The following PSD3 variants were observed in gnomAD, a reference collection of about 807,000 sequenced individuals.
PSD3 encodes pleckstrin and Sec7 domain containing 3, also known as PH and SEC7 domain-containing protein 3.
In PSD3, 49 loss-of-function variants were observed where a neutral mutation model predicts 105.5. The observed-to-expected ratio is 0.46, with a 90% CI of 0.37 to 0.59. PSD3 has a LOEUF of 0.59. Ranked by LOEUF, PSD3 falls within the 20% of genes least tolerant of loss-of-function variation. The pLI is 0.00. For synonymous variants in PSD3, 557 were observed against 457.8 expected (o/e 1.22, Z -2.77); for missense variants, 1,561 against 1,263.8 (o/e 1.24, Z -3.57).
intron 9 of PSD3, among the ~76,000 whole-genome samples, chr8:18,658,467 C>A (rs1023680773): frequency 7.9e-5 from 12 of 151,620 alleles, no homozygotes; most frequent in Non-Finnish European, 1.3e-4. Context: ...TAGTTAGTAT[C>A]TTCGATTTCT....
At chr8:18,653,918 T>A (rs1243671510) in intron 10 of PSD3, among the ~76,000 whole-genome samples, 1 of 152,232 alleles carries the variant, frequency 6.6e-6, no homozygotes, top group Non-Finnish European at 1.5e-5. Context: ...GACTACATAT[T>A]CTGCATATGT....
At chr8:18,588,786 C>T (rs573014194) in intron 12 of PSD3, among the ~76,000 whole-genome samples, 25 of 152,320 alleles carry the variant, frequency 1.6e-4, no homozygotes, top group African/African-American at 6.0e-4. Flanking sequence ...ATGACTCAAA[C>T]TCCCAATACA....
chr8:18,593,730 TC>T (rs1244375430), intron 12 of PSD3, among the ~76,000 whole-genome samples: 2 of 151,896 alleles, frequency 1.3e-5, no homozygotes, highest in Non-Finnish European at 2.9e-5. Context: ...AACCCAAATG[TC>T]CATCAGTGAT....
chr8:19,036,807 A>C (rs1039853731), intron 1 of PSD3, among the ~76,000 whole-genome samples: 1 of 152,206 alleles, frequency 6.6e-6, no homozygotes, highest in African/African-American at 2.4e-5. Context: ...GTGGTAATGA[A>C]TCAGACCAGG....
chr8:18,643,188 C>A (rs971816574), intron 10 of PSD3, among the ~76,000 whole-genome samples: 2 of 152,134 alleles, frequency 1.3e-5, no homozygotes, highest in Non-Finnish European at 1.5e-5. Flanking sequence ...GTGGAAGGTG[C>A]AAGGGCAAGA....
intron 11 of PSD3, among the ~76,000 whole-genome samples, chr8:18,607,154 G>T (rs983231311): frequency 6.6e-6 from 1 of 152,056 alleles, no homozygotes; most frequent in Non-Finnish European, 1.5e-5. Context: ...AATATAACCA[G>T]GTACTTTCTC....
intron 9 of PSD3, among the ~76,000 whole-genome samples, chr8:18,722,157 A>C (rs1432841782): frequency 6.6e-6 from 1 of 151,616 alleles, no homozygotes; most frequent in East Asian, 1.9e-4. Flanking sequence ...TGGACGATCA[A>C]AGAACATTTA....
Position 18,529,171 on chromosome 8 carries a change from G to C in PSD3, c.*6572C>G, listed in dbSNP as rs910052429. The stretch of plus-strand genomic sequence containing the variant: ...GAGAGATGCTGGAGAGCTGCTGCTT[G>C]TGAATTACAAGAAAGCCTTCAATTT... On this transcript the variant is annotated 3_prime_UTR_variant, in exon 16 of 16. Coordinates refer to ENST00000327040, the MANE Select transcript of PSD3 (RefSeq NM_015310.4). 6.6e-6 allele frequency: 1 copy of C among 152,202 alleles called. No individual in the cohort carries two copies. Among genetic ancestry groups the C allele is most frequent in the Admixed American group, 6.5e-5 (1 of 15,280 alleles). 9.4% of individuals were successfully genotyped at this position (152,202 alleles called of 1,614,324 possible). A position where few individuals can be genotyped will look rare whatever the true frequency, so the allele number is the denominator to read the frequency against.
intron 9 of PSD3, among the ~76,000 whole-genome samples, chr8:18,744,028 G>A (rs1035906660): frequency 1.4e-5 from 2 of 141,448 alleles, no homozygotes; most frequent in Non-Finnish European, 3.0e-5. Context: ...CTGCTCCCCT[G>A]ACATCACCAC....
intron 11 of PSD3, among the ~76,000 whole-genome samples, chr8:18,621,884 A>G (rs537532085): frequency 6.6e-6 from 1 of 152,386 alleles, no homozygotes; most frequent in East Asian, 1.9e-4. Flanking sequence ...GCTGTTCCCA[A>G]TGTTACACGA....
At chr8:18,913,874 C>T (rs1820406069) in intron 2 of PSD3, among the ~76,000 whole-genome samples, 1 of 152,002 alleles carries the variant, frequency 6.6e-6, no homozygotes, top group Non-Finnish European at 1.5e-5. Context: ...AGGCTCCTAC[C>T]CCAACCCTAT....
intron 12 of PSD3, among the ~76,000 whole-genome samples, chr8:18,577,112 A>G (rs1802508247): frequency 6.6e-6 from 1 of 151,836 alleles, no homozygotes; most frequent in Non-Finnish European, 1.5e-5. Context: ...AAAGAAGAGT[A>G]TTTTTTCATT....
chr8:18,563,701 C>G (rs1209671809), intron 14 of PSD3, among the ~76,000 whole-genome samples: 15 of 151,888 alleles, frequency 9.9e-5, no homozygotes, highest in Admixed American at 9.8e-4. Flanking sequence ...AAATACAGAC[C>G]TCGAAGAAAT....
At chr8:18,924,957 A>G (rs1001470077) in intron 2 of PSD3, 6 of 152,232 alleles carry the variant, frequency 3.9e-5, no homozygotes, top group African/African-American at 1.2e-4. Context: ...AAGCAACAAA[A>G]TAAGAGATAT....
intron 11 of PSD3, among the ~76,000 whole-genome samples, chr8:18,612,991 G>A (rs1335924311): frequency 6.6e-6 from 1 of 151,232 alleles, no homozygotes; most frequent in East Asian, 1.9e-4. Flanking sequence ...GAATTTACAT[G>A]GCTTGGGCTG....
intron 6 of PSD3, among the ~76,000 whole-genome samples, chr8:18,802,084 C>T (rs189869240): frequency 1.3e-5 from 2 of 152,250 alleles, no homozygotes; most frequent in East Asian, 3.9e-4. Flanking sequence ...CTATTAAAGC[C>T]ACTATGGATT....
At chr8:18,842,056 C>G (rs371653289) in intron 4 of PSD3, among the ~76,000 whole-genome samples, 1 of 152,134 alleles carries the variant, frequency 6.6e-6, no homozygotes, top group African/African-American at 2.4e-5. Context: ...CCCAGTAAGA[C>G]CTCACCATCT....
At chr8:18,946,403 C>A (rs1328282555) in intron 1 of PSD3, among the ~76,000 whole-genome samples, 2 of 151,978 alleles carry the variant, frequency 1.3e-5, no homozygotes, top group Middle Eastern at 3.4e-3. Flanking sequence ...CAGCCAGACC[C>A]CTGTCCAAAA....
chr8:18,634,462 A>G (rs900012990), intron 10 of PSD3, among the ~76,000 whole-genome samples: 5 of 152,170 alleles, frequency 3.3e-5, no homozygotes, highest in Admixed American at 3.3e-4. Flanking sequence ...AAACTAAAAA[A>G]TTAACGTAAG....
Sources: gnomAD v4.1 joint callset for allele counts (sites outside exome capture counted in the v4.1 genomes callset) on GRCh38, gnomAD v4.1.1 for gene constraint, MANE v1.5 for transcripts, NCBI Gene and HGNC (gene_info 2026-07-23, HGNC 2026-07-21) for gene names.